The following PTCD1 variants were observed in gnomAD, a reference collection of about 807,000 sequenced individuals.
The protein encoded by PTCD1 is pentatricopeptide repeat domain 1.
A neutral mutation model predicts 53.4 loss-of-function variants in PTCD1; 50 were observed. That is an observed-to-expected ratio of 0.94 (90% CI 0.75 to 1.19). The LOEUF is 1.19. Among genes scored for constraint, PTCD1 ranks in the 50% most tolerant of loss-of-function variants. The pLI, the probability that PTCD1 is intolerant of heterozygous loss-of-function variation, is 0.00. For synonymous variants in PTCD1, 413 were observed against 394.8 expected (o/e 1.05, Z -0.55); for missense variants, 918 against 904.8 (o/e 1.01, Z -0.19).
chr7:99,421,126 C>G (rs1038346081), intron 7 of PTCD1, among the ~76,000 whole-genome samples: 3 of 152,114 alleles, frequency 2.0e-5, no homozygotes, highest in African/African-American at 4.8e-5. Context: ...GTTCCGCCCC[C>G]CAAAAACCCA....
chr7:99,426,044 G>A (rs1796000766), intron 5 of PTCD1, among the ~76,000 whole-genome samples: 1 of 152,106 alleles, frequency 6.6e-6, no homozygotes, highest in Non-Finnish European at 1.5e-5. Flanking sequence ...CAGCCTGGGT[G>A]ACAGAGCGAG....
intron 5 of PTCD1, among the ~76,000 whole-genome samples, chr7:99,426,758 T>C (rs1356738656): frequency 6.7e-6 from 1 of 149,824 alleles, no homozygotes; most frequent in Non-Finnish European, 1.5e-5. Context: ...CGCCATCCCA[T>C]CTAGGAAGTG....
At position 99,419,346 on chromosome 7, in the gene PTCD1, G is replaced by A. The variant is rs566192224; in HGVS notation, c.*621C>T. On this transcript the variant is annotated 3_prime_UTR_variant, in exon 8 of 8. Transcript: ENST00000292478. ...GCCACATATGTGAGTGTGCAGGGGC[G>A]AGCGTGGCGCAGTGGCATCGTCTCA... is the stretch of plus-strand genomic sequence containing the variant. 23 of 1,607,924 alleles carry A rather than the reference G, an allele frequency of 1.4e-5. 1 individual carries two copies. Among genetic ancestry groups the A allele is most frequent in the South Asian group, 3.3e-5 (3 of 91,000 alleles).
chr7:99,417,444 G>A lies in PTCD1; in HGVS notation c.*2523C>T, dbSNP rs773936765. 3 of 1,613,810 alleles carry A rather than the reference G, an allele frequency of 1.9e-6. No homozygotes were observed. The Admixed American group carries it at 5.0e-5, about 27-fold the overall frequency. On this transcript the variant is annotated 3_prime_UTR_variant, in exon 8 of 8. Coordinates refer to ENST00000292478, the MANE Select transcript of PTCD1 (RefSeq NM_015545.4). ...TTTTTGACAGAACTCTATGAATATT[G>A]TATTAAAGAAGGCTATGCAGACAAA...
chr7:99,434,963 C>A lies in PTCD1; in HGVS notation c.280G>T (p.Asp94Tyr). The change falls in exon 2 of 8, where the codon GAC becomes TAC. Residue 94 changes from aspartate (D) to tyrosine (Y), a missense_variant. Coordinates refer to ENST00000292478, the MANE Select transcript of PTCD1 (RefSeq NM_015545.4). ...EEEESFGTLS[D>Y]KYSSRRLFRK... is the part of the protein sequence containing the mutation. ...AATAGTCTCCGGGAGGAGTATTTGT[C>A]AGAGAGGGTCCCAAAACTCTCCTCC... 6.2e-7 allele frequency: 1 copy of A among 1,614,238 alleles called. No homozygotes were observed. Among genetic ancestry groups the A allele is most frequent in the East Asian group, 2.2e-5 (1 of 44,882 alleles).
At chr7:99,424,093 CT>C in intron 6 of PTCD1, 136 bp from the exon 7 acceptor site, 7 of 1,226,622 alleles carry the variant, frequency 5.7e-6, no homozygotes, top group Non-Finnish European at 8.1e-6. Flanking sequence ...CAACAATGTG[CT>C]GAATATCCCT....
Position 99,426,722 on chromosome 7 carries a change from G to A in PTCD1, c.916-1106C>T, listed in dbSNP as rs1324439547. 5.3e-5 allele frequency among the ~76,000 whole-genome samples: 8 copies of A among 151,050 alleles called. No homozygotes were observed. In the East Asian group the frequency reaches 1.4e-3, roughly 26 times the overall value. On this transcript the variant is annotated intron_variant, in intron 5 of 7. Transcript: ENST00000292478. Reference sequence around the variant, plus strand: ...CTCTGCCCAGCCGCCATCCCATCTAGGAAGTGAGGAGCGCCTCTTCCCGGC... The same window carrying A: ...CTCTGCCCAGCCGCCATCCCATCTAAGAAGTGAGGAGCGCCTCTTCCCGGC...
rs759490939 is a variant in PTCD1 at position 99,435,022 on chromosome 7, T to G, written c.221A>C (p.Asn74Thr). The change falls in exon 2 of 8, where the codon AAC becomes ACC. Residue 74 changes from asparagine to threonine, a missense_variant. Physicochemically the swap from Asn to Thr is moderately conservative, Grantham distance 65. Transcript: ENST00000292478. ...GSLGSDPSHS[N>T]STATQEEDEE... ...GTCTTCTTCCTGCGTGGCCGTGGAG[T>G]TGGAGTGGCTCGGGTCAGAGCCCAG... 5.6e-6 allele frequency: 9 copies of G among 1,613,888 alleles called. No homozygotes were observed. Among genetic ancestry groups the G allele is most frequent in the Non-Finnish European group, 7.6e-6 (9 of 1,179,922 alleles).
rs1380369536 is a variant in PTCD1 at position 99,419,307 on chromosome 7, T to C, written c.*660A>G. 6.5e-7 allele frequency: 1 copy of C among 1,527,958 alleles called. No homozygotes were observed. The highest frequency in any genetic ancestry group is 9.0e-7 in the Non-Finnish European group (1 of 1,109,064). The allele number at this position is 1,527,958 out of a possible 1,614,324, so 94.7% of individuals were successfully genotyped here. On this transcript the variant is annotated 3_prime_UTR_variant, in exon 8 of 8. Coordinates refer to ENST00000292478, the MANE Select transcript of PTCD1 (RefSeq NM_015545.4). ...CCCTATATGGCATGGTGGCAGGTCC[T>C]TCGTGGGAGGGTTGCCACATATGTG...
intron 7 of PTCD1, among the ~76,000 whole-genome samples, chr7:99,421,318 C>T (rs1462180313): frequency 1.3e-5 from 2 of 151,720 alleles, no homozygotes; most frequent in Non-Finnish European, 2.9e-5. Context: ...GTCCCAGCTC[C>T]TCAGGTGGCT....
intron 1 of PTCD1, 90 bp downstream of exon 1, chr7:99,438,602 G>T: frequency 2.6e-6 from 3 of 1,148,868 alleles, no homozygotes; most frequent in Non-Finnish European, 3.2e-6. Flanking sequence ...AGACGCCCCC[G>T]GCTCCAATCC....
chr7:99,432,097 G>C lies in PTCD1; in HGVS notation c.594+1181C>G, dbSNP rs374524192. ...CCAGGAAAGCCAGGTATTGTCCAAG[G>C]TTTCTCCCCATGTGATAGCCTGAGA... On this transcript the variant is annotated intron_variant, in intron 3 of 7. Coordinates refer to ENST00000292478, the MANE Select transcript of PTCD1 (RefSeq NM_015545.4). Among the ~76,000 whole-genome samples, 35 of 152,332 alleles carry C rather than the reference G, an allele frequency of 2.3e-4. No homozygotes were observed. The South Asian group carries it at 6.0e-3, about 26-fold the overall frequency.
chr7:99,423,628 A>T, intron 7 of PTCD1, 147 bp downstream of exon 7: 1 of 1,274,418 alleles, frequency 7.8e-7, no homozygotes, highest in Non-Finnish European at 1.1e-6. Flanking sequence ...TGTGGTCTAC[A>T]GACTTGGGTA....
chr7:99,429,663 G>C lies in PTCD1; in HGVS notation c.738C>G (p.Asn246Lys). 6.2e-7 allele frequency: 1 copy of C among 1,614,228 alleles called. No homozygotes were observed. Among genetic ancestry groups the C allele is most frequent in the Non-Finnish European group, 8.5e-7 (1 of 1,180,042 alleles). Reference sequence around the variant, plus strand: ...TCAGCAGCGCGTGGTATGTTTTCAAGTTGAGCTCGAAGTTTTTGGCCTGCA... The same window carrying C: ...TCAGCAGCGCGTGGTATGTTTTCAACTTGAGCTCGAAGTTTTTGGCCTGCA... ...QQLQAKNFEL[N>K]LKTYHALLKM... The change falls in exon 4 of 8, where the codon AAC (asparagine) becomes AAG (lysine). Residue 246 changes from asparagine to lysine, a missense_variant. Asn to Lys is a moderately conservative substitution (Grantham distance 94). Transcript: ENST00000292478.
chr7:99,423,958 C>T lies in PTCD1; in HGVS notation c.1738-1G>A, dbSNP rs182497211. On this transcript the variant is annotated splice_acceptor_variant, in intron 6 of 7. Coordinates refer to ENST00000292478, the MANE Select transcript of PTCD1 (RefSeq NM_015545.4). LOFTEE classifies it high-confidence loss of function. Reference sequence around the variant, plus strand: ...GAGTGTTGGGGGTCACCTGGGACTTCTAGAACACAGGGACATCGTAGAATC... The same window carrying T: ...GAGTGTTGGGGGTCACCTGGGACTTTTAGAACACAGGGACATCGTAGAATC... 2 of 1,613,928 alleles carry T rather than the reference C, an allele frequency of 1.2e-6. No homozygotes were observed. Among genetic ancestry groups the T allele is most frequent in the African/African-American group, 2.7e-5 (2 of 74,910 alleles).
At chr7:99,432,859 G>C (rs1796316083) in intron 3 of PTCD1, 3 of 309,382 alleles carry the variant, frequency 9.7e-6, no homozygotes, top group Non-Finnish European at 1.9e-5. Flanking sequence ...GACCAGCCTA[G>C]ACAAAGCAGC....
intron 3 of PTCD1, among the ~76,000 whole-genome samples, chr7:99,431,762 AAAAG>A (rs1204365559): frequency 1.3e-5 from 2 of 152,194 alleles, no homozygotes; most frequent in African/African-American, 2.4e-5. Context: ...GACTGTAGGA[AAAAG>A]AAAGAGAGAT....
intron 1 of PTCD1, among the ~76,000 whole-genome samples, chr7:99,437,939 A>T (rs1162280383): frequency 6.6e-6 from 1 of 152,080 alleles, no homozygotes; most frequent in Admixed American, 6.6e-5. Flanking sequence ...TGCTGAGGTT[A>T]CAGGTGTGAG....
Position 99,420,051 on chromosome 7 carries a change from G to A in PTCD1, c.2019C>T (p.Pro673=), listed in dbSNP as rs1436945944. ...TVMPAEETPH[P]WQKFRTKPQG... Reference sequence around the variant, plus strand: ...GGGGCTTGGTCCGGAACTTCTGCCAGGGGTGCGGGGTTTCCTCTGCGGGCA... The same window carrying A: ...GGGGCTTGGTCCGGAACTTCTGCCAAGGGTGCGGGGTTTCCTCTGCGGGCA... The change falls in exon 8 of 8, where the codon CCC becomes CCT. Residue 673 remains proline (P), a synonymous_variant. Transcript: ENST00000292478. 4 of 1,614,082 alleles carry A rather than the reference G, an allele frequency of 2.5e-6. No homozygotes were observed. In the East Asian group the frequency reaches 8.9e-5, roughly 36 times the overall value.
Sources: gnomAD v4.1 joint callset for allele counts (sites outside exome capture counted in the v4.1 genomes callset) on GRCh38, gnomAD v4.1.1 for gene constraint, MANE v1.5 for transcripts, NCBI Gene and HGNC (gene_info 2026-07-23, HGNC 2026-07-21) for gene names.